Variants in RADIL observed in about 807,000 individuals in gnomAD.
The protein encoded by RADIL is ras-associating and dilute domain-containing protein.
RADIL carries 99 observed loss-of-function variants against 97.6 expected under a neutral mutation model. The ratio of observed to expected loss-of-function variants is 1.01; its 90% confidence interval spans 0.86 to 1.20. RADIL has a LOEUF of 1.20. Among genes scored for constraint, RADIL ranks in the 50% most tolerant of loss-of-function variants. The pLI is 0.00. For synonymous variants in RADIL, 803 were observed against 691.8 expected, an observed-to-expected ratio of 1.16 and a Z score of -2.52; for missense variants, 1,765 against 1,498.9, an observed-to-expected ratio of 1.18 and a Z score of -2.93.
rs970198797 is a variant in RADIL at position 4,821,584 on chromosome 7, G to A, written c.1615+810C>T. Among the ~76,000 whole-genome samples the A allele has an allele frequency of 6.6e-6, 1 of 152,144 alleles. No individual in the cohort carries two copies. The highest frequency in any genetic ancestry group is 2.4e-5 in the African/African-American group (1 of 41,436). ...GCATTTCAGAAATCCTGAAATGGTGGCCAGGCACGGTGGCTCATGCCTGTA... is the reference window on the plus strand; with the variant it reads ...GCATTTCAGAAATCCTGAAATGGTGACCAGGCACGGTGGCTCATGCCTGTA... On this transcript the variant is annotated intron_variant, in intron 6 of 14. Coordinates refer to ENST00000399583, the MANE Select transcript of RADIL (RefSeq NM_018059.5). This position sits in a 1 kb window ranked among gnomAD's most constrained non-coding sequence, Gnocchi z 5.2.
At chr7:4,816,060 C>A (rs10261160) in intron 8 of RADIL, among the ~76,000 whole-genome samples, 168 bp downstream of exon 8, 1 of 152,176 alleles carries the variant, frequency 6.6e-6, no homozygotes, top group African/African-American at 2.4e-5. Context: ...CTGTGCTGAT[C>A]TGTCCCCCCT....
At chr7:4,874,292 C>T (rs1395438838) in intron 2 of RADIL, among the ~76,000 whole-genome samples, 2 of 152,270 alleles carry the variant, frequency 1.3e-5, no homozygotes, top group Non-Finnish European at 2.9e-5. Context: ...GGGCGCGGGC[C>T]TGTTTGAGGC....
chr7:4,809,492 C>T (rs1782473738), intron 9 of RADIL: 1 of 985,272 alleles, frequency 1.0e-6, no homozygotes, highest in South Asian at 4.7e-5. Context: ...CTTGTGTGTC[C>T]AGCCCCCAAA....
At chr7:4,801,585 G>T (rs1277993324) in intron 12 of RADIL, 68 bp downstream of exon 12, 2 of 1,484,588 alleles carry the variant, frequency 1.3e-6, no homozygotes, top group Non-Finnish European at 9.0e-7. Flanking sequence ...CGATCCCAGG[G>T]GACCGGCCAT....
rs779631625 is a variant in RADIL at position 4,815,487 on chromosome 7, C to T, written c.1967-37G>A. The stretch of plus-strand genomic sequence containing the variant: ...AGAAGGGAGGGTGATGCCTGGGCTG[C>T]CCTCCTGGGGGGACACAGACATGGG... On this transcript the variant is annotated intron_variant, in intron 8 of 14. Transcript: ENST00000399583. The surrounding 1 kb of genome is among the most constrained non-coding windows in gnomAD (Gnocchi z 8.0). 5 of 1,463,432 alleles carry T rather than the reference C, an allele frequency of 3.4e-6. No individual in the cohort carries two copies. The African/African-American group carries it at 5.6e-5, about 16-fold the overall frequency. 90.7% of individuals were successfully genotyped at this position (1,463,432 alleles called of 1,614,324 possible). A position where few individuals can be genotyped will look rare whatever the true frequency, so the allele number is the denominator to read the frequency against.
In RADIL at chr7:4,837,458, G is replaced by A. The variant is rs549539176; in HGVS notation, c.536-853C>T. Among the ~76,000 whole-genome samples the A allele has an allele frequency of 1.3e-5, 2 of 152,178 alleles. No homozygotes were observed. The highest frequency in any genetic ancestry group is 2.9e-5 in the Non-Finnish European group (2 of 68,030). On this transcript the variant is annotated intron_variant, in intron 2 of 14. Transcript: ENST00000399583. The surrounding 1 kb of genome is among the most constrained non-coding windows in gnomAD (Gnocchi z 5.6). ...TGTGCCACATCACCCCAGCCCATGG[G>A]GCTGCCGATGGCCTGCTCCTGCAAC...
At chr7:4,847,752 A>G (rs536710487) in intron 2 of RADIL, among the ~76,000 whole-genome samples, 1 of 150,002 alleles carries the variant, frequency 6.7e-6, no homozygotes, top group Non-Finnish European at 1.5e-5. Context: ...AAAAAAAAAA[A>G]AAAAAAAAAA....
intron 2 of RADIL, chr7:4,861,421 A>G: frequency 6.2e-7 from 1 of 1,614,186 alleles, no homozygotes. Flanking sequence ...ATGAGGTGAA[A>G]AAGTCGCTTC....
intron 2 of RADIL, among the ~76,000 whole-genome samples, chr7:4,864,465 C>T (rs1188588558): frequency 1.3e-5 from 2 of 152,250 alleles, no homozygotes; most frequent in African/African-American, 4.8e-5. Context: ...TTTAATCAGA[C>T]TCTCTTCTGA....
rs1782646274 is a variant in RADIL, at chr7:4,815,217, G to A, written c.2139+61C>T. ...CCCCCAGGCTTGGTTTGTGAGCCAG[G>A]GACCCACAGCATGTGGCCCCGCCCC... is the stretch of plus-strand genomic sequence containing the variant. On this transcript the variant is annotated intron_variant, in intron 9 of 14. Coordinates refer to ENST00000399583, the MANE Select transcript of RADIL (RefSeq NM_018059.5). This position sits in a 1 kb window ranked among gnomAD's most constrained non-coding sequence, Gnocchi z 8.0. The A allele has an allele frequency of 1.4e-6, 2 of 1,448,694 alleles. No individual in the cohort carries two copies. 89.7% of individuals were successfully genotyped at this position (1,448,694 alleles called of 1,614,324 possible). A position where few individuals can be genotyped will look rare whatever the true frequency, so the allele number is the denominator to read the frequency against.
At position 4,803,564 on chromosome 7, in the gene RADIL, G is replaced by A. The variant is rs574018770; in HGVS notation, c.2481C>T (p.Ser827=). 10 of 1,542,910 alleles carry A rather than the reference G, an allele frequency of 6.5e-6. No homozygotes were observed. The African/African-American group carries it at 1.3e-4, about 19-fold the overall frequency. ...GSPGRPGSGA[S]QPVCPEGMHH... is the part of the protein sequence containing the mutation. ...CGGGTACCTCGGGGCACACTGGCTG[G>A]GAGGCCCCACTGCCAGGCCTGCCAG... Residue 827 remains serine, a synonymous_variant, in exon 11 of 15, where the codon TCC becomes TCT. Transcript: ENST00000399583.
At position 4,834,473 on chromosome 7, in the gene RADIL, C is replaced by A. The variant is rs1783235738; in HGVS notation, c.1416+134G>T. ...GGGGGCAGCGACAGGCAGGGAAAGG[C>A]CGCCCTGCGCTCAGCAGCACAGCAC... is the stretch of plus-strand genomic sequence containing the variant. On this transcript the variant is annotated intron_variant, in intron 4 of 14. Coordinates refer to ENST00000399583, the MANE Select transcript of RADIL (RefSeq NM_018059.5). This position sits in a 1 kb window ranked among gnomAD's most constrained non-coding sequence, Gnocchi z 6.0. 1.7e-5 allele frequency: 18 copies of A among 1,073,276 alleles called. No homozygotes were observed. The highest frequency in any genetic ancestry group is 2.1e-5 in the Non-Finnish European group (18 of 844,014). The allele number at this position is 1,073,276 out of a possible 1,614,324, so 66.5% of individuals were successfully genotyped here.
rs915729432 is a variant in RADIL at position 4,854,480 on chromosome 7, G to T, written c.536-17875C>A. Among the ~76,000 whole-genome samples, 4 of 152,170 alleles carry T rather than the reference G, an allele frequency of 2.6e-5. No individual in the cohort carries two copies. Among genetic ancestry groups the T allele is most frequent in the African/African-American group, 9.7e-5 (4 of 41,430 alleles). On this transcript the variant is annotated intron_variant, in intron 2 of 14. Transcript: ENST00000399583. This position sits in a 1 kb window ranked among gnomAD's most constrained non-coding sequence, Gnocchi z 5.1. ...AGGCCGAGGCAGGCAGATCACCTGAGGTCAGGAGTTCAAGACCAGCCTGGC... is the reference window on the plus strand; with the variant it reads ...AGGCCGAGGCAGGCAGATCACCTGATGTCAGGAGTTCAAGACCAGCCTGGC...
chr7:4,883,395 C>T lies in RADIL; in HGVS notation c.-65+201G>A, dbSNP rs1309514756. ...CTAGCCGGCCTCCGGGTACCGCCCC[C>T]CGGTCCAGGCCGGGGCCCGACAGCC... On this transcript the variant is annotated intron_variant, in intron 1 of 14. Coordinates refer to ENST00000399583, the MANE Select transcript of RADIL (RefSeq NM_018059.5). This position sits in a 1 kb window ranked among gnomAD's most constrained non-coding sequence, Gnocchi z 7.1. Among the ~76,000 whole-genome samples, 2 of 152,076 alleles carry T rather than the reference C, an allele frequency of 1.3e-5. No homozygotes were observed. Among genetic ancestry groups the T allele is most frequent in the African/African-American group, 4.8e-5 (2 of 41,436 alleles).
Position 4,800,284 on chromosome 7 carries a change from A to G in RADIL, c.2869T>C (p.Ser957Pro). ...EGDSAALAEE[S>P]PPAPSSRSSS... ...CTGCGGCTGGACGGGGCTGGAGGGG[A>G]CTCCTCCGCAAGGGCTGCAGAGTCT... Residue 957 changes from serine to proline, a missense_variant, in exon 13 of 15, where the codon TCC becomes CCC. Ser to Pro is a moderately conservative substitution (Grantham distance 74). Coordinates refer to ENST00000399583, the MANE Select transcript of RADIL (RefSeq NM_018059.5). The G allele has an allele frequency of 6.6e-7, 1 of 1,504,218 alleles. No individual in the cohort carries two copies. The highest frequency in any genetic ancestry group is 2.2e-5 in the Admixed American group (1 of 44,540). 93.2% of individuals were successfully genotyped at this position (1,504,218 alleles called of 1,614,324 possible).
chr7:4,855,620 TAAAAAAAAAAAAAA>T (rs760588803), intron 2 of RADIL, among the ~76,000 whole-genome samples: 1 of 88,166 alleles, frequency 1.1e-5, no homozygotes. Context: ...TTTATTTTTG[TAAAAAAAAAAAAAA>T]AAAAAAAAAA....
At position 4,805,591 on chromosome 7, in the gene RADIL, C is replaced by T. The variant is rs541651809; in HGVS notation, c.2265G>A (p.Gln755=). Residue 755 remains glutamine (Q), a synonymous_variant, in exon 10 of 15, where the codon CAG becomes CAA. Coordinates refer to ENST00000399583, the MANE Select transcript of RADIL (RefSeq NM_018059.5). ...GPMSTWEPGA[Q]DSPEAFRSED... ...CTGACCTGAAGGCCTCGGGGCTGTC[C>T]TGGGCCCCTGGCTCCCAGGTGCTCA... is the stretch of plus-strand genomic sequence containing the variant. 1.2e-6 allele frequency: 2 copies of T among 1,611,154 alleles called. No homozygotes were observed. Among genetic ancestry groups the T allele is most frequent in the African/African-American group, 2.7e-5 (2 of 75,058 alleles).
chr7:4,805,419 C>A, intron 10 of RADIL, 147 bp downstream of exon 10: 1 of 1,026,136 alleles, frequency 9.7e-7, no homozygotes, highest in Non-Finnish European at 1.3e-6. Context: ...CGGGGGGGTC[C>A]TCTGGGTGGA....
intron 9 of RADIL, among the ~76,000 whole-genome samples, chr7:4,811,574 G>A (rs1317929388): frequency 6.2e-5 from 8 of 128,344 alleles, no homozygotes; most frequent in Non-Finnish European, 1.3e-4. Context: ...TGCAAGCTCC[G>A]CCTCCCGGGT....
Sources: gnomAD v4.1 joint callset for allele counts (sites outside exome capture counted in the v4.1 genomes callset) on GRCh38, gnomAD v4.1.1 for gene constraint, Gnocchi (gnomAD v3.1) non-coding constraint, MANE v1.5 for transcripts, NCBI Gene and HGNC (gene_info 2026-07-23, HGNC 2026-07-21) for gene names.